Variants in ST3GAL4 observed in about 807,000 individuals in gnomAD.
ST3GAL4 encodes ST3 beta-galactoside alpha-2,3-sialyltransferase 4.
Under a neutral mutation model 42.6 loss-of-function variants are expected in ST3GAL4, and 24 were observed. That is an observed-to-expected ratio of 0.56 (90% confidence interval 0.41 to 0.79). The LOEUF is 0.79. Ranked by LOEUF, ST3GAL4 falls within the 30% of genes least tolerant of loss-of-function variation. The pLI is 0.00. For synonymous variants in ST3GAL4, 135 were observed against 163.2 expected, an observed-to-expected ratio of 0.83 and a Z score of 1.32; for missense variants, 311 against 430.8, an observed-to-expected ratio of 0.72 and a Z score of 2.46.
Position 126,359,971 on chromosome 11 carries a change from C to A in ST3GAL4, c.-61+4129C>A, listed in dbSNP as rs760054053. ...ACCCAGCCAAAGTGGCTGCTCCTGG[C>A]GTCTGGCATCCTGATTCCTGCCAGG... is the stretch of plus-strand genomic sequence containing the variant. On this transcript the variant is annotated intron_variant, in intron 1 of 10. Transcript: ENST00000444328. This position sits in a 1 kb window ranked among gnomAD's most constrained non-coding sequence, Gnocchi z 4.8. 1.3e-5 allele frequency among the ~76,000 whole-genome samples: 2 copies of A among 152,238 alleles called. No individual in the cohort carries two copies. The highest frequency in any genetic ancestry group is 2.9e-5 in the Non-Finnish European group (2 of 68,042).
At chr11:126,360,690 G>A (rs1306802877) in intron 1 of ST3GAL4, among the ~76,000 whole-genome samples, 1 of 152,178 alleles carries the variant, frequency 6.6e-6, no homozygotes, top group Non-Finnish European at 1.5e-5. Flanking sequence ...CCAAAGTGCT[G>A]GGATTACAGG....
In ST3GAL4 at chr11:126,380,834, C is replaced by G. The variant is rs74944813; in HGVS notation, c.-61+24992C>G. ...CCTCCACCCTCTTCTCTCCAGAGCTCTTTGACCCAGAGGAATCTGCAGGAA... is the reference window on the plus strand; with the variant it reads ...CCTCCACCCTCTTCTCTCCAGAGCTGTTTGACCCAGAGGAATCTGCAGGAA... On this transcript the variant is annotated intron_variant, in intron 1 of 10. Coordinates refer to ENST00000444328, the MANE Select transcript of ST3GAL4 (RefSeq NM_001254757.2). Among the ~76,000 whole-genome samples the G allele has an allele frequency of 1.9e-4, 29 of 152,324 alleles. 1 individual carries two copies. In the East Asian group the frequency reaches 5.4e-3, roughly 28 times the overall value.
chr11:126,361,341 G>A lies in ST3GAL4; in HGVS notation c.-61+5499G>A, dbSNP rs1002275148. 2.7e-5 allele frequency among the ~76,000 whole-genome samples: 4 copies of A among 149,998 alleles called. No homozygotes were observed. In the Admixed American group the frequency reaches 2.7e-4, roughly 10 times the overall value. On this transcript the variant is annotated intron_variant, in intron 1 of 10. Coordinates refer to ENST00000444328, the MANE Select transcript of ST3GAL4 (RefSeq NM_001254757.2). Reference sequence around the variant, plus strand: ...TCCACTTCAATTTTTTTTTGAAACTGTGACAGAGGGTTTCTTGGCTTTAAT... The same window carrying A: ...TCCACTTCAATTTTTTTTTGAAACTATGACAGAGGGTTTCTTGGCTTTAAT...
At position 126,373,835 on chromosome 11, in the gene ST3GAL4, G is replaced by T. The variant is rs778512933; in HGVS notation, c.-61+17993G>T. ...AGGAAGCCTCCCCGTGCCCAGGCGTGCTGTGATCACAGTGTTCAATGATGG... is the reference window on the plus strand; with the variant it reads ...AGGAAGCCTCCCCGTGCCCAGGCGTTCTGTGATCACAGTGTTCAATGATGG... On this transcript the variant is annotated intron_variant, in intron 1 of 10. Coordinates refer to ENST00000444328, the MANE Select transcript of ST3GAL4 (RefSeq NM_001254757.2). The surrounding 1 kb of genome is among the most constrained non-coding windows in gnomAD (Gnocchi z 5.5). Among the ~76,000 whole-genome samples the T allele has an allele frequency of 6.1e-4, 93 of 152,162 alleles. No individual in the cohort carries two copies. The highest frequency in any genetic ancestry group is 1.1e-3 in the Non-Finnish European group (75 of 68,022).
At chr11:126,387,673 C>CAA (rs1015589992) in intron 1 of ST3GAL4, among the ~76,000 whole-genome samples, 2,494 of 116,116 alleles carry the variant, frequency 0.021, 72 homozygotes, top group African/African-American at 0.069. Flanking sequence ...GACTCTGTCT[C>CAA]AAAAAAAAAA....
Position 126,406,552 on chromosome 11 carries a change from C to T in ST3GAL4, c.96C>T (p.Ile32=), listed in dbSNP as rs754345026. Reference sequence around the variant, plus strand: ...CCATCTCCCGGGAAGACAGGTACATCGAGCTGTGAGTTCACCTTCCATGTC... The same window carrying T: ...CCATCTCCCGGGAAGACAGGTACATTGAGCTGTGAGTTCACCTTCCATGTC... ...WYSISREDRY[I]ELFYFPIPEK... is the part of the protein sequence containing the mutation. The change falls in exon 3 of 11, where the codon ATC becomes ATT. Residue 32 remains isoleucine, a synonymous_variant. Coordinates refer to ENST00000444328, the MANE Select transcript of ST3GAL4 (RefSeq NM_001254757.2). The surrounding 1 kb of genome is among the most constrained non-coding windows in gnomAD (Gnocchi z 5.4). The T allele has an allele frequency of 4.3e-6, 7 of 1,614,036 alleles. No homozygotes were observed. Among genetic ancestry groups the T allele is most frequent in the Non-Finnish European group, 5.9e-6 (7 of 1,180,030 alleles).
intron 9 of ST3GAL4, 180 bp from the exon 10 acceptor site, chr11:126,413,325 T>C: frequency 1.7e-6 from 1 of 575,596 alleles, no homozygotes; most frequent in Non-Finnish European, 2.9e-6. Flanking sequence ...ATAAAATAAA[T>C]TCAGTTCCTC....
At chr11:126,390,618 C>CTTTTTTTTTTTTT (rs58153137) in intron 1 of ST3GAL4, among the ~76,000 whole-genome samples, 33 of 126,648 alleles carry the variant, frequency 2.6e-4, no homozygotes, top group East Asian at 6.8e-4. Context: ...GTGTTCTTTG[C>CTTTTTTTTTTTTT]TTTTTTTTTT....
chr11:126,411,110 G>A lies in ST3GAL4; in HGVS notation c.771+1699G>A, dbSNP rs1019877100. Among the ~76,000 whole-genome samples the A allele has an allele frequency of 6.6e-6, 1 of 151,934 alleles. No individual in the cohort carries two copies. Among genetic ancestry groups the A allele is most frequent in the Non-Finnish European group, 1.5e-5 (1 of 67,974 alleles). ...GGACCTGAACCCAGCTCCTGGCAGT[G>A]GGAAGGGAAAAGGAGGAGATGGACT... is the stretch of plus-strand genomic sequence containing the variant. On this transcript the variant is annotated intron_variant, in intron 9 of 10. Transcript: ENST00000444328. The surrounding 1 kb of genome is among the most constrained non-coding windows in gnomAD (Gnocchi z 6.3).
intron 1 of ST3GAL4, among the ~76,000 whole-genome samples, chr11:126,370,407 T>C (rs12286588): frequency 0.011 from 1,609 of 152,366 alleles, 31 homozygotes; most frequent in African/African-American, 0.034. Flanking sequence ...TTCTCTACAG[T>C]AAAGTATATA....
rs1953162616 is a variant in ST3GAL4, at chr11:126,384,900, G to C, written c.-60-21196G>C. 1.0e-6 allele frequency: 1 copy of C among 985,250 alleles called. No homozygotes were observed. Among genetic ancestry groups the C allele is most frequent in the African/African-American group, 1.7e-5 (1 of 57,222 alleles). 61.0% of individuals were successfully genotyped at this position (985,250 alleles called of 1,614,324 possible). A position where few individuals can be genotyped will look rare whatever the true frequency, so the allele number is the denominator to read the frequency against. On this transcript the variant is annotated intron_variant, in intron 1 of 10. Coordinates refer to ENST00000444328, the MANE Select transcript of ST3GAL4 (RefSeq NM_001254757.2). The surrounding 1 kb of genome is among the most constrained non-coding windows in gnomAD (Gnocchi z 5.5). ...GCAGTGGCTGAGGACCCCTCTCTTTGCTGGGCTGGGACAGAGCTTGAATGG... is the reference window on the plus strand; with the variant it reads ...GCAGTGGCTGAGGACCCCTCTCTTTCCTGGGCTGGGACAGAGCTTGAATGG...
At chr11:126,361,284 G>A (rs1041161447) in intron 1 of ST3GAL4, among the ~76,000 whole-genome samples, 5 of 152,124 alleles carry the variant, frequency 3.3e-5, no homozygotes, top group African/African-American at 1.2e-4. Flanking sequence ...CTCCTGAACA[G>A]CTCCACTTTT....
chr11:126,365,456 G>A (rs999994461), intron 1 of ST3GAL4, among the ~76,000 whole-genome samples: 3 of 152,146 alleles, frequency 2.0e-5, no homozygotes, highest in South Asian at 2.1e-4. Flanking sequence ...CCCTGGCATC[G>A]CCTTCAGTTG....
rs1953165013 is a variant in ST3GAL4 at position 126,384,945 on chromosome 11, T to C, written c.-60-21151T>C. On this transcript the variant is annotated intron_variant, in intron 1 of 10. Coordinates refer to ENST00000444328, the MANE Select transcript of ST3GAL4 (RefSeq NM_001254757.2). This position sits in a 1 kb window ranked among gnomAD's most constrained non-coding sequence, Gnocchi z 5.5. ...GAATGGAGAGGGGCCGCCTTGTGCC[T>C]GGGAAGGGAGGACCAGGTGTCGCTG... 1 of 983,076 alleles carries C rather than the reference T, an allele frequency of 1.0e-6. No homozygotes were observed. The highest frequency in any genetic ancestry group is 6.2e-5 in the Admixed American group (1 of 16,252). The allele number at this position is 983,076 out of a possible 1,614,324, so 60.9% of individuals were successfully genotyped here.
In ST3GAL4 at chr11:126,373,685, G is replaced by T. The variant is rs1293627828; in HGVS notation, c.-61+17843G>T. On this transcript the variant is annotated intron_variant, in intron 1 of 10. Coordinates refer to ENST00000444328, the MANE Select transcript of ST3GAL4 (RefSeq NM_001254757.2). This position sits in a 1 kb window ranked among gnomAD's most constrained non-coding sequence, Gnocchi z 5.5. ...GAGACTTCTTTTGCTGTAGGTGGAA[G>T]CCTGTCTGGCTCCTTTCCCTCAAAG... Among the ~76,000 whole-genome samples the T allele has an allele frequency of 6.6e-6, 1 of 152,150 alleles. No individual in the cohort carries two copies. Among genetic ancestry groups the T allele is most frequent in the Admixed American group, 6.5e-5 (1 of 15,280 alleles).
At chr11:126,374,928 G>T (rs1952778367) in intron 1 of ST3GAL4, 1 of 152,044 alleles carries the variant, frequency 6.6e-6, no homozygotes, top group Non-Finnish European at 1.5e-5. Context: ...GCACAGTCCA[G>T]CTTGAGTCCC....
At position 126,392,294 on chromosome 11, in the gene ST3GAL4, G is replaced by A. The variant is rs1953549549; in HGVS notation, c.-60-13802G>A. The A allele has an allele frequency of 2.0e-6, 2 of 985,590 alleles. No individual in the cohort carries two copies. Among genetic ancestry groups the A allele is most frequent in the Non-Finnish European group, 2.4e-6 (2 of 829,712 alleles). 61.1% of individuals were successfully genotyped at this position (985,590 alleles called of 1,614,324 possible). A position where few individuals can be genotyped will look rare whatever the true frequency, so the allele number is the denominator to read the frequency against. On this transcript the variant is annotated intron_variant, in intron 1 of 10. Coordinates refer to ENST00000444328, the MANE Select transcript of ST3GAL4 (RefSeq NM_001254757.2). This position sits in a 1 kb window ranked among gnomAD's most constrained non-coding sequence, Gnocchi z 5.8. ...TGTCCTCAAGCCTGCAGCTCTCCTG[G>A]GACTGCACAGAGTTTACTGTCGGAC...
Position 126,409,486 on chromosome 11 carries a change from A to G in ST3GAL4, c.771+75A>G, listed in dbSNP as rs879186681. 1 of 1,588,582 alleles carries G rather than the reference A, an allele frequency of 6.3e-7. No homozygotes were observed. The highest frequency in any genetic ancestry group is 1.1e-5 in the South Asian group (1 of 89,850). ...GGAGGGATGATCCTATGGGCTTAGG[A>G]AGCCCTGGAAGGATCCCATAACAGA... On this transcript the variant is annotated intron_variant, in intron 9 of 10. Transcript: ENST00000444328. The surrounding 1 kb of genome is among the most constrained non-coding windows in gnomAD (Gnocchi z 4.9).
chr11:126,408,665 C>A, intron 8 of ST3GAL4, 169 bp downstream of exon 8: 1 of 762,930 alleles, frequency 1.3e-6, no homozygotes, highest in Non-Finnish European at 2.1e-6. Flanking sequence ...AAGGGTGGTG[C>A]TCTGATAAGC....
Sources: allele counts gnomAD v4.1 joint callset (sites outside exome capture counted in the v4.1 genomes callset), GRCh38; gene constraint gnomAD v4.1.1; non-coding constraint Gnocchi (gnomAD v3.1); transcripts MANE v1.5; gene names NCBI Gene and HGNC (gene_info 2026-07-23, HGNC 2026-07-21).